The following METTL15 variants were observed in gnomAD, a reference collection of about 807,000 sequenced individuals.
The protein encoded by METTL15 is 12S rRNA N(4)-cytidine methyltransferase METTL15.
A neutral mutation model predicts 38.3 loss-of-function variants in METTL15; 34 were observed. The observed-to-expected ratio is 0.89, with a 90% CI of 0.68 to 1.18. The LOEUF (loss-of-function observed/expected upper bound fraction) is 1.18. Ranked by LOEUF, METTL15 falls within the 50% of genes most tolerant of loss-of-function variation. The probability of loss-of-function intolerance (pLI) is 0.00; values close to 1 mark genes in which losing one functional copy is unlikely to be tolerated. For missense variants in METTL15, 438 were observed against 498.4 expected (o/e 0.88, Z 1.15); for synonymous variants, 162 against 170.9 (o/e 0.95, Z 0.41).
intron 5 of METTL15, among the ~76,000 whole-genome samples, chr11:28,417,130 T>C (rs1261020669): frequency 6.6e-6 from 1 of 152,122 alleles, no homozygotes; most frequent in African/African-American, 2.4e-5. Flanking sequence ...ACTTTCTTGA[T>C]TTTTTATATC....
chr11:28,198,044 A>G (rs1851974195), intron 3 of METTL15, among the ~76,000 whole-genome samples: 1 of 152,098 alleles, frequency 6.6e-6, no homozygotes, highest in Non-Finnish European at 1.5e-5. Flanking sequence ...TAATTCTTAA[A>G]AGAAAGTACC....
chr11:28,263,112 G>T (rs1242883517), intron 4 of METTL15, among the ~76,000 whole-genome samples: 1 of 151,602 alleles, frequency 6.6e-6, no homozygotes, highest in South Asian at 2.1e-4. Context: ...TTAAAATGTG[G>T]TGCTCCGAAC....
intron 6 of METTL15, among the ~76,000 whole-genome samples, chr11:28,483,293 A>T (rs925204774): frequency 6.6e-6 from 1 of 152,140 alleles, no homozygotes; most frequent in Non-Finnish European, 1.5e-5. Context: ...CTGTTGACTC[A>T]TGGGCCTGAT....
At chr11:28,462,099 T>C (rs1851220927) in intron 6 of METTL15, among the ~76,000 whole-genome samples, 2 of 152,080 alleles carry the variant, frequency 1.3e-5, no homozygotes, top group African/African-American at 4.8e-5. Flanking sequence ...GTCAAAAAGA[T>C]GTATACAGTG....
intron 4 of METTL15, among the ~76,000 whole-genome samples, chr11:28,248,412 A>T (rs908523643): frequency 4.6e-5 from 7 of 152,062 alleles, no homozygotes; most frequent in Non-Finnish European, 1.0e-4. Flanking sequence ...CTTGCTTGTC[A>T]TCCAGTATCT....
intron 2 of METTL15, among the ~76,000 whole-genome samples, chr11:28,111,787 G>A (rs1469150943): frequency 6.6e-6 from 1 of 152,202 alleles, no homozygotes; most frequent in Admixed American, 6.5e-5. Context: ...AGTAAGTGGT[G>A]CTTAGTAAGT....
At chr11:28,349,972 G>A (rs1850027687) in intron 3 of METTL15, among the ~76,000 whole-genome samples, 2 of 152,178 alleles carry the variant, frequency 1.3e-5, no homozygotes, top group Non-Finnish European at 2.9e-5. Context: ...TGGATGTCTT[G>A]CAGAGTTTTT....
At chr11:28,269,090 T>G (rs2133953648) in intron 4 of METTL15, among the ~76,000 whole-genome samples, 1 of 152,282 alleles carries the variant, frequency 6.6e-6, no homozygotes, top group Non-Finnish European at 1.5e-5. Flanking sequence ...TTTATAACTT[T>G]ATTTAAAACT....
At chr11:28,290,626 A>G (rs1229400328) in intron 5 of METTL15, among the ~76,000 whole-genome samples, 1 of 152,164 alleles carries the variant, frequency 6.6e-6, no homozygotes, top group African/African-American at 2.4e-5. Context: ...AGTGAAGAGG[A>G]TAACTTTCAT....
At chr11:28,502,949 A>C (rs966168397) in intron 6 of METTL15, among the ~76,000 whole-genome samples, 10 of 152,346 alleles carry the variant, frequency 6.6e-5, no homozygotes, top group Admixed American at 5.2e-4. Flanking sequence ...CTATAATATC[A>C]GTCAAAACAG....
chr11:28,314,380 A>C (rs1857407698), intron 6 of METTL15, among the ~76,000 whole-genome samples: 1 of 152,218 alleles, frequency 6.6e-6, no homozygotes, highest in Admixed American at 6.5e-5. Flanking sequence ...CTCAAGAAAA[A>C]GGCAGCACTG....
chr11:28,451,143 A>G (rs995042723), intron 6 of METTL15, among the ~76,000 whole-genome samples: 1 of 152,198 alleles, frequency 6.6e-6, no homozygotes, highest in African/African-American at 2.4e-5. Context: ...CTGGGATGAT[A>G]CCACAGCTCA....
At chr11:28,356,854 C>T (rs1590343542) in intron 4 of METTL15, among the ~76,000 whole-genome samples, 1 of 152,206 alleles carries the variant, frequency 6.6e-6, no homozygotes, top group East Asian at 1.9e-4. Flanking sequence ...AATCGGAGAC[C>T]CATATGGCAT....
intron 6 of METTL15, among the ~76,000 whole-genome samples, chr11:28,460,287 A>C (rs10835341): frequency 6.6e-6 from 1 of 151,616 alleles, no homozygotes. Context: ...ACCAATATCT[A>C]TTTCTACCTA....
chr11:28,446,321 C>T (rs1032653136), intron 6 of METTL15, among the ~76,000 whole-genome samples: 10 of 152,054 alleles, frequency 6.6e-5, no homozygotes, highest in African/African-American at 2.4e-4. Context: ...TTAAAGCCCT[C>T]CAGGGAAAGT....
chr11:28,379,371 C>G (rs1043437655), intron 5 of METTL15, among the ~76,000 whole-genome samples: 1 of 152,026 alleles, frequency 6.6e-6, no homozygotes, highest in Non-Finnish European at 1.5e-5. Flanking sequence ...CTTAGTACAT[C>G]ATTTGCTGTA....
At chr11:28,504,059 G>A (rs528314463) in intron 6 of METTL15, among the ~76,000 whole-genome samples, 4 of 151,864 alleles carry the variant, frequency 2.6e-5, no homozygotes, top group Admixed American at 6.5e-5. Context: ...TTAGCTGGGC[G>A]TGGTGGCAGG....
At chr11:28,174,575 G>T (rs535068507) in intron 3 of METTL15, among the ~76,000 whole-genome samples, 1 of 152,076 alleles carries the variant, frequency 6.6e-6, no homozygotes, top group East Asian at 1.9e-4. Context: ...AGCACTTTGG[G>T]AGGCTGAGGC....
At position 28,296,890 on chromosome 11, in the gene METTL15, A is replaced by G; in HGVS notation, c.737A>G (p.Tyr246Cys). The change falls in exon 6 of 7, where the codon TAC becomes TGC. Residue 246 changes from tyrosine to cysteine, a missense_variant. Physicochemically the swap from Tyr to Cys is radical, Grantham distance 194. Transcript: ENST00000407364. ...ASAIVQARSI[Y>C]PITRTQQLAS... ...GCAATTGTTCAGGCACGCAGCATCTACCCCATCACCAGAACCCAGCAGCTT... is the reference window on the plus strand; with the variant it reads ...GCAATTGTTCAGGCACGCAGCATCTGCCCCATCACCAGAACCCAGCAGCTT... 6.2e-7 allele frequency: 1 copy of G among 1,613,430 alleles called. No individual in the cohort carries two copies. The highest frequency in any genetic ancestry group is 1.7e-4 in the Middle Eastern group (1 of 6,056).
Sources: gnomAD v4.1 joint callset for allele counts (sites outside exome capture counted in the v4.1 genomes callset) on GRCh38, gnomAD v4.1.1 for gene constraint, MANE v1.5 for transcripts, NCBI Gene and HGNC (gene_info 2026-07-23, HGNC 2026-07-21) for gene names.